Variants in SEPTIN9 observed in about 807,000 individuals in gnomAD.
The protein encoded by SEPTIN9 is septin-9.
SEPTIN9 carries 13 observed loss-of-function variants against 56.6 expected under a neutral mutation model. The observed-to-expected ratio is 0.23, with a 90% CI of 0.15 to 0.37. The LOEUF (loss-of-function observed/expected upper bound fraction) is 0.37. Ranked by LOEUF, SEPTIN9 falls within the 10% of genes least tolerant of loss-of-function variation. The pLI, the probability that SEPTIN9 is intolerant of heterozygous loss-of-function variation, is 1.00. For synonymous variants in SEPTIN9, 332 were observed against 334.1 expected (o/e 0.99, Z 0.07); for missense variants, 650 against 823.1 (o/e 0.79, Z 2.57).
At chr17:77,491,459 A>C (rs2040024417) in intron 8 of SEPTIN9, among the ~76,000 whole-genome samples, 1 of 151,312 alleles carries the variant, frequency 6.6e-6, no homozygotes, top group Non-Finnish European at 1.5e-5. Flanking sequence ...CAGCCTCCCA[A>C]AGTGCTGGGG....
At chr17:77,320,369 C>G (rs1214429067) in intron 2 of SEPTIN9, 7 of 1,603,652 alleles carry the variant, frequency 4.4e-6, no homozygotes, top group Non-Finnish European at 6.0e-6. Context: ...AGCCCCCTCC[C>G]CATCGGCCGC....
At position 77,389,630 on chromosome 17, in the gene SEPTIN9, C is replaced by T. The variant is rs1422472332; in HGVS notation, c.77-12429C>T. Among the ~76,000 whole-genome samples the T allele has an allele frequency of 6.6e-6, 1 of 151,974 alleles. No individual in the cohort carries two copies. The highest frequency in any genetic ancestry group is 1.5e-5 in the Non-Finnish European group (1 of 68,002). On this transcript the variant is annotated intron_variant, in intron 2 of 11. Coordinates refer to ENST00000427177, the MANE Select transcript of SEPTIN9 (RefSeq NM_001113491.2). This position sits in a 1 kb window ranked among gnomAD's most constrained non-coding sequence, Gnocchi z 4.3. ...ATCTGGTCCCTCTCCTACCCCCAGG[C>T]AGGCCACACCTAGACCCTCCCACAC...
At chr17:77,289,605 C>T (rs1011015756) in intron 1 of SEPTIN9, among the ~76,000 whole-genome samples, 11 of 147,968 alleles carry the variant, frequency 7.4e-5, no homozygotes, top group Non-Finnish European at 1.6e-4. Context: ...ACGGGGTGTC[C>T]CCATGTTGGT....
intron 2 of SEPTIN9, chr17:77,373,605 G>C: frequency 6.5e-7 from 1 of 1,530,262 alleles, no homozygotes; most frequent in Admixed American, 2.0e-5. Context: ...AGGACCCTGC[G>C]GGTGGGCCTG....
In SEPTIN9 at chr17:77,456,793, C is replaced by T. The variant is rs976511800; in HGVS notation, c.722-25351C>T. Among the ~76,000 whole-genome samples the T allele has an allele frequency of 6.6e-6, 1 of 152,146 alleles. No homozygotes were observed. Among genetic ancestry groups the T allele is most frequent in the South Asian group, 2.1e-4 (1 of 4,830 alleles). ...CGGGTCCCCATGGCCAGTACCAGGTCTCAGGGACCAGCGCTGGGTCCCCAC... is the reference window on the plus strand; with the variant it reads ...CGGGTCCCCATGGCCAGTACCAGGTTTCAGGGACCAGCGCTGGGTCCCCAC... On this transcript the variant is annotated intron_variant, in intron 3 of 11. Coordinates refer to ENST00000427177, the MANE Select transcript of SEPTIN9 (RefSeq NM_001113491.2). The surrounding 1 kb of genome is among the most constrained non-coding windows in gnomAD (Gnocchi z 6.0).
rs1378458003 is a variant in SEPTIN9, at chr17:77,434,075, A to G, written c.721+31372A>G. Among the ~76,000 whole-genome samples the G allele has an allele frequency of 6.6e-6, 1 of 152,114 alleles. No homozygotes were observed. The highest frequency in any genetic ancestry group is 2.1e-4 in the South Asian group (1 of 4,836). The stretch of plus-strand genomic sequence containing the variant: ...GCGTTTTTCACATTTCTCACTTCTC[A>G]AAGGCCCTGGGTTTGGTGTCTGTGG... On this transcript the variant is annotated intron_variant, in intron 3 of 11. Coordinates refer to ENST00000427177, the MANE Select transcript of SEPTIN9 (RefSeq NM_001113491.2). The surrounding 1 kb of genome is among the most constrained non-coding windows in gnomAD (Gnocchi z 5.0).
chr17:77,391,771 A>G (rs1206399736), intron 2 of SEPTIN9, among the ~76,000 whole-genome samples: 3 of 152,140 alleles, frequency 2.0e-5, no homozygotes, highest in African/African-American at 7.2e-5. Context: ...GAGGGATGAG[A>G]CTGTAGCTGG....
At chr17:77,420,690 C>A (rs1401802637) in intron 3 of SEPTIN9, among the ~76,000 whole-genome samples, 3 of 152,188 alleles carry the variant, frequency 2.0e-5, no homozygotes, top group Admixed American at 6.5e-5. Context: ...ACCCTCTCCC[C>A]TGCAGCAGCC....
chr17:77,462,308 C>G (rs1200730410), intron 3 of SEPTIN9, among the ~76,000 whole-genome samples: 1 of 152,182 alleles, frequency 6.6e-6, no homozygotes, highest in East Asian at 1.9e-4. Context: ...GTGGCCCGAT[C>G]ACGGCTCACT....
At chr17:77,432,234 C>T (rs2037171982) in intron 3 of SEPTIN9, among the ~76,000 whole-genome samples, 4 of 152,208 alleles carry the variant, frequency 2.6e-5, no homozygotes, top group Admixed American at 2.6e-4. Flanking sequence ...TAGAAATGTC[C>T]ACTCGAGACA....
intron 1 of SEPTIN9, among the ~76,000 whole-genome samples, chr17:77,305,674 A>G (rs1270489590): frequency 6.6e-6 from 1 of 151,730 alleles, no homozygotes; most frequent in Non-Finnish European, 1.5e-5. Flanking sequence ...TGTCAATACT[A>G]GTTCCGCGAA....
intron 2 of SEPTIN9, among the ~76,000 whole-genome samples, chr17:77,392,700 C>T (rs77361512): frequency 0.047 from 7,195 of 152,214 alleles, 226 homozygotes; most frequent in Non-Finnish European, 0.073. Context: ...GTTCTTCCCT[C>T]CCAGACCTTT....
At chr17:77,406,195 C>G (rs2144119253) in intron 3 of SEPTIN9, among the ~76,000 whole-genome samples, 1 of 152,322 alleles carries the variant, frequency 6.6e-6, no homozygotes, top group South Asian at 2.1e-4. Context: ...ATAGGCCCCT[C>G]CACGGTTGAT....
Position 77,488,230 on chromosome 17 carries a change from C to T in SEPTIN9, c.1043-10C>T. ...CTCCCCTCTGACTCTGCGTCCGTGG[C>T]TCTGTGCAGATATTGAGGAGAAAGG... On this transcript the variant is annotated splice_polypyrimidine_tract_variant and intron_variant, in intron 5 of 11. Coordinates refer to ENST00000427177, the MANE Select transcript of SEPTIN9 (RefSeq NM_001113491.2). The T allele has an allele frequency of 6.2e-7, 1 of 1,613,526 alleles. No individual in the cohort carries two copies. Among genetic ancestry groups the T allele is most frequent in the Non-Finnish European group, 8.5e-7 (1 of 1,179,626 alleles).
intron 4 of SEPTIN9, among the ~76,000 whole-genome samples, chr17:77,486,744 T>C (rs569064299): frequency 1.1e-4 from 16 of 152,178 alleles, no homozygotes; most frequent in Non-Finnish European, 2.2e-4. Context: ...CTCAGTCACC[T>C]GTGGACTGGC....
chr17:77,411,264 T>TA (rs369889740), intron 3 of SEPTIN9, among the ~76,000 whole-genome samples: 29 of 152,286 alleles, frequency 1.9e-4, no homozygotes, highest in African/African-American at 7.0e-4. Context: ...AGGGCTTGTG[T>TA]AAAAAAAGTC....
At chr17:77,339,514 A>AT (rs34622485) in intron 2 of SEPTIN9, among the ~76,000 whole-genome samples, 109 of 146,112 alleles carry the variant, frequency 7.5e-4, no homozygotes, top group Admixed American at 1.8e-3. Context: ...GGTCTCAATG[A>AT]TTTTTTTTTT....
At chr17:77,375,961 T>G in intron 2 of SEPTIN9, 1 of 304,796 alleles carries the variant, frequency 3.3e-6, no homozygotes, top group Non-Finnish European at 4.8e-6. Context: ...CAGACAGACG[T>G]GGGGAAGGGA....
chr17:77,450,673 A>AG lies in SEPTIN9; in HGVS notation c.722-31466dup. The AG allele has an allele frequency of 3.0e-6, 3 of 985,958 alleles. No individual in the cohort carries two copies. Among genetic ancestry groups the AG allele is most frequent in the Non-Finnish European group, 3.6e-6 (3 of 830,584 alleles). 61.1% of individuals were successfully genotyped at this position (985,958 alleles called of 1,614,324 possible). On this transcript the variant is annotated intron_variant, in intron 3 of 11. Transcript: ENST00000427177. This position sits in a 1 kb window ranked among gnomAD's most constrained non-coding sequence, Gnocchi z 6.0. ...CCCAGCACATCCCAGGCCTGCAGGG[A>AG]GGGGGAGAGGAAGAGACTGACTCAC...
Sources: allele counts gnomAD v4.1 joint callset (sites outside exome capture counted in the v4.1 genomes callset), GRCh38; gene constraint gnomAD v4.1.1; non-coding constraint Gnocchi (gnomAD v3.1); transcripts MANE v1.5; gene names NCBI Gene and HGNC (gene_info 2026-07-23, HGNC 2026-07-21).